The following CABIN1 variants were observed in gnomAD, a reference collection of about 807,000 sequenced individuals.
CABIN1 encodes calcineurin-binding protein cabin-1.
Under a neutral mutation model 227.7 loss-of-function variants are expected in CABIN1, and 133 were observed. The observed-to-expected ratio is 0.58, with a 90% CI of 0.51 to 0.67. The LOEUF (loss-of-function observed/expected upper bound fraction) is 0.67. Ranked by LOEUF, CABIN1 falls within the 30% of genes least tolerant of loss-of-function variation. The pLI, the probability that CABIN1 is intolerant of heterozygous loss-of-function variation, is 0.00. For missense variants in CABIN1, 2,408 were observed against 2,852.5 expected (o/e 0.84, Z 3.55); for synonymous variants, 1,086 against 1,155.1 (o/e 0.94, Z 1.21).
intron 26 of CABIN1, among the ~76,000 whole-genome samples, 192 bp from the exon 27 acceptor site, chr22:24,113,374 G>A (rs2042909293): frequency 6.6e-6 from 1 of 152,220 alleles, no homozygotes. Context: ...CATGGAGATT[G>A]GTGCATTTGG....
chr22:24,022,406 C>A (rs1281641820), intron 1 of CABIN1, among the ~76,000 whole-genome samples: 4 of 152,172 alleles, frequency 2.6e-5, no homozygotes, highest in African/African-American at 9.7e-5. Context: ...TAGCATAATG[C>A]CTTTGAAATT....
chr22:24,040,207 C>T (rs2037256922), intron 4 of CABIN1, among the ~76,000 whole-genome samples: 1 of 152,142 alleles, frequency 6.6e-6, no homozygotes, highest in Non-Finnish European at 1.5e-5. Flanking sequence ...TTCTTGGGGG[C>T]CTTTTTGTAT....
chr22:24,101,858 CGTGTATGTATGT>C (rs1202591710), intron 26 of CABIN1: 1 of 143,834 alleles, frequency 7.0e-6, no homozygotes, highest in Non-Finnish European at 1.5e-5. Flanking sequence ...GTACAGTATG[CGTGTATGTATGT>C]GTGTGTGTGT....
At chr22:24,174,115 G>A (rs956096543) in intron 34 of CABIN1, among the ~76,000 whole-genome samples, 1 of 151,776 alleles carries the variant, frequency 6.6e-6, no homozygotes, top group African/African-American at 2.4e-5. Flanking sequence ...AAAGTGCTGG[G>A]ATTACAGGAA....
intron 29 of CABIN1, among the ~76,000 whole-genome samples, chr22:24,162,993 G>A (rs2046243854): frequency 6.6e-6 from 1 of 152,192 alleles, no homozygotes; most frequent in African/African-American, 2.4e-5. Flanking sequence ...GGTGCCTACT[G>A]TAGATAGACC....
intron 18 of CABIN1, 133 bp from the exon 19 acceptor site, chr22:24,076,036 A>G (rs1336880936): frequency 3.1e-5 from 20 of 639,784 alleles, no homozygotes; most frequent in Middle Eastern, 3.8e-4. Context: ...AAAAAAAAAA[A>G]GGGAAAGGAA....
intron 10 of CABIN1, among the ~76,000 whole-genome samples, chr22:24,057,092 G>A (rs561639135): frequency 5.9e-5 from 9 of 152,130 alleles, no homozygotes; most frequent in Admixed American, 2.0e-4. Context: ...GCCTGCCACC[G>A]CGCCTGGCTA....
intron 33 of CABIN1, among the ~76,000 whole-genome samples, chr22:24,171,460 G>A (rs987393342): frequency 6.6e-6 from 1 of 152,212 alleles, no homozygotes; most frequent in East Asian, 1.9e-4. Context: ...CCACCAGTAC[G>A]GCCTGGACAT....
chr22:24,038,271 C>G, intron 3 of CABIN1, 77 bp from the exon 4 acceptor site: 1 of 1,148,868 alleles, frequency 8.7e-7, no homozygotes, highest in Non-Finnish European at 1.3e-6. Flanking sequence ...GACTGTAGCC[C>G]CGCCTTACAC....
At chr22:24,150,763 G>C (rs1028554710) in intron 29 of CABIN1, among the ~76,000 whole-genome samples, 2 of 152,210 alleles carry the variant, frequency 1.3e-5, no homozygotes, top group Non-Finnish European at 2.9e-5. Context: ...TGGGTTTGGA[G>C]TTAGACCTAG....
At chr22:24,152,835 A>G (rs992334893) in intron 29 of CABIN1, among the ~76,000 whole-genome samples, 11 of 152,256 alleles carry the variant, frequency 7.2e-5, no homozygotes, top group African/African-American at 2.6e-4. Flanking sequence ...CTGTAATCCC[A>G]GCAACTTGGG....
intron 28 of CABIN1, among the ~76,000 whole-genome samples, chr22:24,123,816 A>G (rs1426917064): frequency 6.6e-6 from 1 of 152,276 alleles, no homozygotes; most frequent in Admixed American, 6.5e-5. Context: ...ATTTCTTCAT[A>G]AAATCCTGCC....
intron 19 of CABIN1, among the ~76,000 whole-genome samples, chr22:24,078,505 T>G (rs1292250933): frequency 2.0e-5 from 3 of 152,224 alleles, no homozygotes; most frequent in Non-Finnish European, 4.4e-5. Context: ...CAGGGAGACC[T>G]TTTGTGTGGA....
rs559724796 is a variant in CABIN1, at chr22:24,112,865, A to T, written c.4118-701A>T. Among the ~76,000 whole-genome samples, 284 of 152,214 alleles carry T rather than the reference A, an allele frequency of 1.9e-3. 2 individuals carry two copies. The South Asian group carries it at 0.019, about 10-fold the overall frequency. On this transcript the variant is annotated intron_variant, in intron 26 of 36. Transcript: ENST00000263119. ...CATGCCTGAAGGCTTCTGTTCCTCC[A>T]GGTAGGCTTTGTACCTTTTCCATAG...
At position 24,145,770 on chromosome 22, in the gene CABIN1, A is replaced by G. The variant is rs577090769; in HGVS notation, c.4746+11355A>G. On this transcript the variant is annotated intron_variant, in intron 29 of 36. Coordinates refer to ENST00000263119, the MANE Select transcript of CABIN1 (RefSeq NM_012295.4). ...CGCAACACAGTAGAGATGCCACTCAAGGCCGTGCTAGGATGGAAGGGTGCT... is the reference window on the plus strand; with the variant it reads ...CGCAACACAGTAGAGATGCCACTCAGGGCCGTGCTAGGATGGAAGGGTGCT... Among the ~76,000 whole-genome samples the G allele has an allele frequency of 6.6e-5, 10 of 152,338 alleles. No individual in the cohort carries two copies. In the East Asian group the frequency reaches 1.9e-3, roughly 29 times the overall value.
At chr22:24,121,991 A>C (rs1252286166) in intron 28 of CABIN1, among the ~76,000 whole-genome samples, 1 of 152,212 alleles carries the variant, frequency 6.6e-6, no homozygotes, top group East Asian at 1.9e-4. Flanking sequence ...GCACCTGTGC[A>C]AGGGAAGTGG....
intron 13 of CABIN1, among the ~76,000 whole-genome samples, chr22:24,062,384 G>A (rs1010267950): frequency 3.3e-4 from 42 of 128,396 alleles, no homozygotes; most frequent in East Asian, 1.3e-3. Context: ...GTAAGACAGC[G>A]TCTTGCTCTG....
chr22:24,018,274 A>AT (rs573143220), intron 1 of CABIN1, among the ~76,000 whole-genome samples: 1,592 of 151,266 alleles, frequency 0.011, 22 homozygotes, highest in African/African-American at 0.036. Context: ...GAGTTTTTAA[A>AT]TTTTTTTTTG....
intron 26 of CABIN1, 158 bp downstream of exon 26, chr22:24,098,350 C>T: frequency 6.9e-7 from 1 of 1,439,126 alleles, no homozygotes; most frequent in East Asian, 2.5e-5. Flanking sequence ...CTCATGGATT[C>T]ACAGTGATTC....
Sources: allele counts gnomAD v4.1 joint callset (sites outside exome capture counted in the v4.1 genomes callset), GRCh38; gene constraint gnomAD v4.1.1; transcripts MANE v1.5; gene names NCBI Gene and HGNC (gene_info 2026-07-23, HGNC 2026-07-21).